Variants in AACS observed in about 807,000 individuals in gnomAD.
AACS encodes the protein acetoacetyl-CoA synthetase, also known as acetoacetate-CoA ligase.
In AACS, 69 loss-of-function variants were observed where a neutral mutation model predicts 83.1. The observed-to-expected ratio is 0.83, with a 90% CI of 0.68 to 1.01. AACS has a LOEUF of 1.01. AACS is among the 50% of genes least tolerant of loss of function. The pLI is 0.00. For synonymous variants in AACS, 333 were observed against 343.4 expected, an observed-to-expected ratio of 0.97 and a Z score of 0.33; for missense variants, 866 against 882.2, an observed-to-expected ratio of 0.98 and a Z score of 0.23.
intron 2 of AACS, 98 bp downstream of exon 2, chr12:125,074,077 C>A (rs1955951737): frequency 1.0e-6 from 1 of 959,654 alleles, no homozygotes; most frequent in Non-Finnish European, 1.6e-6. Flanking sequence ...CTCCTTTTTA[C>A]AACCTCATGC....
rs1460567780 is a variant in AACS at position 125,113,084 on chromosome 12, G to A, written c.916-1393G>A. Among the ~76,000 whole-genome samples, 1 of 152,196 alleles carries A rather than the reference G, an allele frequency of 6.6e-6. No homozygotes were observed. The highest frequency in any genetic ancestry group is 1.5e-5 in the Non-Finnish European group (1 of 68,034). The stretch of plus-strand genomic sequence containing the variant: ...GCAGTCTCTGGAAGCTTCAGTTGCT[G>A]CTGTTTGTGGGCTGGGTGGCGGTTG... On this transcript the variant is annotated intron_variant, in intron 8 of 17. Coordinates refer to ENST00000316519, the MANE Select transcript of AACS (RefSeq NM_023928.5). This position sits in a 1 kb window ranked among gnomAD's most constrained non-coding sequence, Gnocchi z 4.8.
chr12:125,072,150 C>T (rs1368257136), intron 1 of AACS, among the ~76,000 whole-genome samples: 1 of 145,918 alleles, frequency 6.9e-6, no homozygotes. Context: ...AGCCACCGCT[C>T]CTGGCGCTTT....
chr12:125,098,991 G>T (rs949261526), intron 5 of AACS, among the ~76,000 whole-genome samples: 1 of 152,218 alleles, frequency 6.6e-6, no homozygotes, highest in Admixed American at 6.5e-5. Flanking sequence ...TGGGCGTCTT[G>T]CATGTCCTTT....
At chr12:125,093,580 C>G (rs1178982865) in intron 5 of AACS, among the ~76,000 whole-genome samples, 2 of 152,228 alleles carry the variant, frequency 1.3e-5, no homozygotes, top group African/African-American at 4.8e-5. Context: ...TCACCGCCTC[C>G]CCGAGCCACC....
chr12:125,088,332 A>G (rs1378472983), intron 4 of AACS, among the ~76,000 whole-genome samples: 2 of 150,960 alleles, frequency 1.3e-5, no homozygotes, highest in African/African-American at 4.9e-5. Context: ...TCCTGGGCTC[A>G]AGGGATCCTC....
chr12:125,119,437 T>C (rs1039661794), intron 10 of AACS, among the ~76,000 whole-genome samples: 4 of 152,182 alleles, frequency 2.6e-5, no homozygotes, highest in Non-Finnish European at 5.9e-5. Flanking sequence ...TGAAGAAATG[T>C]CTAACAGTGG....
rs1278160671 is a variant in AACS, at chr12:125,113,297, T to C, written c.916-1180T>C. Among the ~76,000 whole-genome samples, 11 of 152,378 alleles carry C rather than the reference T, an allele frequency of 7.2e-5. No homozygotes were observed. The East Asian group carries it at 2.1e-3, about 29-fold the overall frequency. ...TATATAAGTCCTTGCTTCAGCCTTC[T>C]AGGCCCTCCACAACCAGGAGCACCT... is the stretch of plus-strand genomic sequence containing the variant. On this transcript the variant is annotated intron_variant, in intron 8 of 17. Coordinates refer to ENST00000316519, the MANE Select transcript of AACS (RefSeq NM_023928.5). The surrounding 1 kb of genome is among the most constrained non-coding windows in gnomAD (Gnocchi z 4.8).
At chr12:125,114,813 AT>A in intron 9 of AACS, among the ~76,000 whole-genome samples, 1 of 149,838 alleles carries the variant, frequency 6.7e-6, no homozygotes. Flanking sequence ...CCCGTGGCAC[AT>A]GGTAAGGGCT....
intron 14 of AACS, among the ~76,000 whole-genome samples, chr12:125,132,792 G>A (rs957701793): frequency 3.9e-5 from 6 of 152,106 alleles, no homozygotes; most frequent in Admixed American, 6.5e-5. Context: ...CTTGGCCTTC[G>A]TCCCCATAGA....
rs1957299392 is a variant in AACS, at chr12:125,129,540, C to CCCCT, written c.1549+84_1549+87dup. The CCCCT allele has an allele frequency of 6.6e-7, 1 of 1,510,058 alleles. No homozygotes were observed. Among genetic ancestry groups the CCCCT allele is most frequent in the Non-Finnish European group, 8.9e-7 (1 of 1,122,174 alleles). The allele number at this position is 1,510,058 out of a possible 1,614,324, so 93.5% of individuals were successfully genotyped here. A position where few individuals can be genotyped will look rare whatever the true frequency, so the allele number is the denominator to read the frequency against. On this transcript the variant is annotated intron_variant, in intron 14 of 17. Transcript: ENST00000316519. This position sits in a 1 kb window ranked among gnomAD's most constrained non-coding sequence, Gnocchi z 4.3. Reference sequence around the variant, plus strand: ...CTGTGTCTAATTCTGTACCATCGTGCCCCTCCCCTCTTCCTTCCCCCACCA... The same window carrying CCCCT: ...CTGTGTCTAATTCTGTACCATCGTGCCCCTCCCTCCCCTCTTCCTTCCCCCACCA...
Position 125,129,938 on chromosome 12 carries a change from C to T in AACS, c.1549+478C>T, listed in dbSNP as rs1430693166. ...TGCGGTGGAAGCATTTACAACCCGA[C>T]ACGTCACTCTCACATAGACTGACAC... is the stretch of plus-strand genomic sequence containing the variant. On this transcript the variant is annotated intron_variant, in intron 14 of 17. Coordinates refer to ENST00000316519, the MANE Select transcript of AACS (RefSeq NM_023928.5). This position sits in a 1 kb window ranked among gnomAD's most constrained non-coding sequence, Gnocchi z 4.3. 6.6e-6 allele frequency among the ~76,000 whole-genome samples: 1 copy of T among 151,832 alleles called. No homozygotes were observed. Among genetic ancestry groups the T allele is most frequent in the Non-Finnish European group, 1.5e-5 (1 of 67,936 alleles).
intron 3 of AACS, chr12:125,078,352 G>C: frequency 2.2e-6 from 1 of 456,028 alleles, no homozygotes. Context: ...GCAACGTCTC[G>C]ACGTACCATA....
At chr12:125,134,218 C>A in intron 15 of AACS, 146 bp downstream of exon 15, 1 of 830,930 alleles carries the variant, frequency 1.2e-6, no homozygotes. Context: ...CCACACCACC[C>A]ACACCTCTGC....
chr12:125,136,346 G>A (rs180789609), intron 16 of AACS, among the ~76,000 whole-genome samples: 161 of 152,244 alleles, frequency 1.1e-3, no homozygotes, highest in African/African-American at 3.5e-3. Context: ...CACCATGCCC[G>A]GCCCTCTTTT....
At chr12:125,107,522 C>T (rs10400443) in intron 8 of AACS, among the ~76,000 whole-genome samples, 3,656 of 152,266 alleles carry the variant, frequency 0.024, 145 homozygotes, top group African/African-American at 0.082. Context: ...CTGTACAGCG[C>T]GGTGTGCCTT....
At chr12:125,100,666 C>T (rs1445731659) in intron 5 of AACS, among the ~76,000 whole-genome samples, 1 of 152,214 alleles carries the variant, frequency 6.6e-6, no homozygotes, top group African/African-American at 2.4e-5. Flanking sequence ...TCAGGATCAT[C>T]TGGATGGCTG....
chr12:125,073,180 G>A (rs147621238), intron 1 of AACS, among the ~76,000 whole-genome samples: 14 of 152,116 alleles, frequency 9.2e-5, no homozygotes, highest in East Asian at 3.9e-4. Flanking sequence ...CACCTGCCTC[G>A]GCCTCCCAAA....
At chr12:125,084,371 C>G (rs1956277757) in intron 3 of AACS, among the ~76,000 whole-genome samples, 1 of 151,730 alleles carries the variant, frequency 6.6e-6, no homozygotes, top group Non-Finnish European at 1.5e-5. Flanking sequence ...CCCTCCCTCC[C>G]TCACTTCCTC....
intron 3 of AACS, among the ~76,000 whole-genome samples, chr12:125,081,240 C>CAGAG (rs2136054278): frequency 6.6e-6 from 1 of 152,252 alleles, no homozygotes; most frequent in South Asian, 2.1e-4. Flanking sequence ...GTGATCCACC[C>CAGAG]GCCTCAGCCT....
Sources: gnomAD v4.1 joint callset for allele counts (sites outside exome capture counted in the v4.1 genomes callset) on GRCh38, gnomAD v4.1.1 for gene constraint, Gnocchi (gnomAD v3.1) non-coding constraint, MANE v1.5 for transcripts, NCBI Gene and HGNC (gene_info 2026-07-23, HGNC 2026-07-21) for gene names.